Variants in ATP7A observed in about 807,000 individuals in gnomAD.
ATP7A encodes the protein ATPase copper transporting alpha, also known as copper-transporting ATPase 1.
ATP7A carries 7 observed loss-of-function variants against 83.5 expected under a neutral mutation model. The ratio of observed to expected loss-of-function variants is 0.08; its 90% CI spans 0.05 to 0.16. The LOEUF (loss-of-function observed/expected upper bound fraction) is 0.16. Among genes scored for constraint, ATP7A ranks in the 10% least tolerant of loss-of-function variants. The pLI is 1.00. For missense variants in ATP7A, 940 were observed against 1,120.8 expected (o/e 0.84, Z 2.30); for synonymous variants, 354 against 395.2 (o/e 0.90, Z 1.24).
chrX:77,965,260 A>G (rs1014853487), intron 1 of ATP7A, among the ~76,000 whole-genome samples: 7 of 112,216 alleles, frequency 6.2e-5, no homozygotes, highest in Admixed American at 5.7e-4. Context: ...AAAGTATTTG[A>G]AAGTCATATA....
At chrX:77,921,559 T>A (rs1365395565) in intron 1 of ATP7A, among the ~76,000 whole-genome samples, 1 of 112,188 alleles carries the variant, frequency 8.9e-6, no homozygotes, top group African/African-American at 3.2e-5. Flanking sequence ...GAAACAGGGA[T>A]AGTAATTGTA....
chrX:77,987,205 C>T (rs377529070), intron 2 of ATP7A, among the ~76,000 whole-genome samples: 28 of 111,458 alleles, frequency 2.5e-4, no homozygotes, highest in African/African-American at 8.5e-4. Context: ...CCTGAGAATC[C>T]CAGTTCCTGA....
intron 11 of ATP7A, 123 bp from the exon 12 acceptor site, chrX:78,015,631 G>C (rs2077857128): frequency 1.1e-6 from 1 of 936,444 alleles, no homozygotes; most frequent in Non-Finnish European, 1.5e-6. Context: ...TTAAATGTTG[G>C]TTCTAGCTTC....
At chrX:78,021,244 C>A (rs1436620484) in intron 14 of ATP7A, among the ~76,000 whole-genome samples, 165 bp downstream of exon 14, 5 of 111,546 alleles carry the variant, frequency 4.5e-5, no homozygotes, top group Non-Finnish European at 9.4e-5. Flanking sequence ...AAAAAATTTC[C>A]TTTTGGAAAA....
chrX:77,932,739 C>T lies in ATP7A; in HGVS notation c.-22+21904C>T, dbSNP rs932077254. Among the ~76,000 whole-genome samples, 9 of 112,709 alleles carry T rather than the reference C, an allele frequency of 8.0e-5. No individual in the cohort carries two copies. The Admixed American group carries it at 8.4e-4, about 10-fold the overall frequency. On this transcript the variant is annotated intron_variant, in intron 1 of 22. Coordinates refer to ENST00000341514, the MANE Select transcript of ATP7A (RefSeq NM_000052.7). ...CCAACACAGCGAAACCCCGTCTCCA[C>T]GAAAAAAGTATGAAAACCAGTCAGG...
chrX:78,012,590 TAAAAAAA>T (rs782360257), intron 9 of ATP7A, among the ~76,000 whole-genome samples: 1 of 81,348 alleles, frequency 1.2e-5, no homozygotes, highest in African/African-American at 4.6e-5. Context: ...GACTGTCTCT[TAAAAAAA>T]AAAAAAAAAA....
intron 14 of ATP7A, among the ~76,000 whole-genome samples, chrX:78,027,066 C>A (rs1221783448): frequency 9.2e-6 from 1 of 108,735 alleles, no homozygotes; most frequent in Non-Finnish European, 1.9e-5. Context: ...AAGAGAATTG[C>A]TCGAACCCAG....
At chrX:78,002,283 T>C (rs1450736431) in intron 5 of ATP7A, among the ~76,000 whole-genome samples, 1 of 103,952 alleles carries the variant, frequency 9.6e-6, no homozygotes, top group Non-Finnish European at 2.0e-5. Flanking sequence ...GGTTTTGCCA[T>C]ATTGCCCAGG....
intron 5 of ATP7A, among the ~76,000 whole-genome samples, chrX:77,999,564 T>C (rs1400226537): frequency 2.7e-5 from 3 of 111,836 alleles, no homozygotes; most frequent in East Asian, 5.6e-4. Flanking sequence ...TGCACTCATA[T>C]TTATAGACTT....
intron 1 of ATP7A, among the ~76,000 whole-genome samples, chrX:77,934,833 A>G: frequency 9.2e-6 from 1 of 108,573 alleles, no homozygotes; most frequent in East Asian, 2.9e-4. Flanking sequence ...GTTTATGAGC[A>G]CCAAGTGAGA....
chrX:77,910,879 G>C (rs1183539063), intron 1 of ATP7A, 44 bp downstream of exon 1: 3 of 112,230 alleles, frequency 2.7e-5, no homozygotes, highest in African/African-American at 6.5e-5. Context: ...TCCTGGAGGG[G>C]GTCTTCTGTG....
intron 12 of ATP7A, among the ~76,000 whole-genome samples, chrX:78,016,910 A>T (rs1557235231): frequency 8.9e-6 from 1 of 111,827 alleles, no homozygotes; most frequent in East Asian, 2.8e-4. Flanking sequence ...CTGTTGGTGG[A>T]TCTCTACCAT....
At chrX:77,969,053 G>A in intron 1 of ATP7A, 1 of 1,211,874 alleles carries the variant, frequency 8.3e-7, no homozygotes, top group Non-Finnish European at 1.1e-6. Flanking sequence ...CCCTCCACAT[G>A]CTTGGCAATG....
chrX:77,990,343 A>T (rs1035773567), intron 4 of ATP7A, among the ~76,000 whole-genome samples: 5 of 112,333 alleles, frequency 4.5e-5, no homozygotes, highest in African/African-American at 6.5e-5. Flanking sequence ...ATCTGAATTT[A>T]CGCCATGTAT....
intron 12 of ATP7A, among the ~76,000 whole-genome samples, chrX:78,016,689 A>G (rs1421106897): frequency 8.9e-6 from 1 of 112,029 alleles, no homozygotes; most frequent in African/African-American, 3.2e-5. Context: ...GCAAGTCCAA[A>G]ATCCGTTGGG....
intron 1 of ATP7A, among the ~76,000 whole-genome samples, chrX:77,954,667 TG>T (rs2077431554): frequency 8.9e-6 from 1 of 111,836 alleles, no homozygotes; most frequent in South Asian, 3.7e-4. Context: ...TTTTAGAATG[TG>T]GTAGCAATTT....
chrX:78,035,605 C>T (rs1313371141), intron 17 of ATP7A, among the ~76,000 whole-genome samples: 1 of 111,049 alleles, frequency 9.0e-6, no homozygotes, highest in African/African-American at 3.3e-5. Flanking sequence ...ATCTGTTCCC[C>T]ATGATATGTC....
intron 10 of ATP7A, 22 bp from the exon 11 acceptor site, chrX:78,014,640 A>G (rs370602068): frequency 6.1e-6 from 7 of 1,153,040 alleles, no homozygotes; most frequent in Admixed American, 2.2e-5. Context: ...AGCATTTTCA[A>G]TGTGTTTGTT....
intron 21 of ATP7A, 34 bp downstream of exon 21, chrX:78,043,468 C>G (rs1467845371): frequency 3.7e-6 from 4 of 1,071,753 alleles, no homozygotes; most frequent in Non-Finnish European, 5.2e-6. Flanking sequence ...GCTTTTTCCA[C>G]TAAAGTTATT....
Sources: allele counts gnomAD v4.1 joint callset (sites outside exome capture counted in the v4.1 genomes callset), GRCh38; gene constraint gnomAD v4.1.1; transcripts MANE v1.5; gene names NCBI Gene and HGNC (gene_info 2026-07-23, HGNC 2026-07-21).